Variants in BCL2 observed in about 807,000 individuals in gnomAD.
BCL2 encodes apoptosis regulator Bcl-2.
A neutral mutation model predicts 14.2 loss-of-function variants in BCL2; 1 was observed. The observed-to-expected ratio is 0.07, with a 90% CI of 0.02 to 0.33. The LOEUF (loss-of-function observed/expected upper bound fraction) is 0.33, where lower values mean the gene tolerates loss of function less well. Among genes scored for constraint, BCL2 ranks in the 10% least tolerant of loss-of-function variants. BCL2 has a pLI of 0.99. For missense variants in BCL2, 247 were observed against 305.9 expected (o/e 0.81, Z 1.44); for synonymous variants, 151 against 137.2 (o/e 1.10, Z -0.70).
intron 2 of BCL2, among the ~76,000 whole-genome samples, chr18:63,300,224 C>T (rs1158562500): frequency 6.6e-6 from 1 of 152,062 alleles, no homozygotes; most frequent in African/African-American, 2.4e-5. Context: ...CTAGAAATTA[C>T]ATCCCCGTCC....
At chr18:63,311,031 T>A (rs1336456316) in intron 2 of BCL2, among the ~76,000 whole-genome samples, 1 of 152,194 alleles carries the variant, frequency 6.6e-6, no homozygotes, top group Non-Finnish European at 1.5e-5. Context: ...ACTCGCTTTT[T>A]TTTTTTCAAG....
At chr18:63,289,153 G>A (rs1388247480) in intron 2 of BCL2, among the ~76,000 whole-genome samples, 2 of 151,842 alleles carry the variant, frequency 1.3e-5, no homozygotes, top group African/African-American at 4.8e-5. Context: ...TAACAACTTA[G>A]AAAACAGCCC....
rs749745319 is a variant in BCL2 at position 63,318,531 on chromosome 18, G to A, written c.136C>T (p.Pro46Ser). The A allele has an allele frequency of 6.3e-7, 1 of 1,582,902 alleles. No individual in the cohort carries two copies. The highest frequency in any genetic ancestry group is 8.6e-7 in the Non-Finnish European group (1 of 1,168,762). Residue 46 changes from proline (P) to serine (S), a missense_variant, in exon 2 of 3, where the codon CCG becomes TCG. By Grantham distance (74) the Pro-to-Ser change is moderately conservative. This residue lies in a region of BCL2 where 144 missense variants were observed against 135.3 expected (regional missense o/e 1.06). Coordinates refer to ENST00000333681, the MANE Select transcript of BCL2 (RefSeq NM_000633.3). This position sits in a 1 kb window ranked among gnomAD's most constrained non-coding sequence, Gnocchi z 7.4. ...GAAPPGAAPAPGIFSSQPGHT... is the reference protein window; with the variant it reads ...GAAPPGAAPASGIFSSQPGHT... ...CCGGGCTGGGAGGAGAAGATGCCCGGTGCGGGGGCGGCCCCCGGGGGCGCG... is the reference window on the plus strand; with the variant it reads ...CCGGGCTGGGAGGAGAAGATGCCCGATGCGGGGGCGGCCCCCGGGGGCGCG...
intron 2 of BCL2, among the ~76,000 whole-genome samples, chr18:63,186,674 G>A (rs765034404): frequency 6.6e-5 from 10 of 152,130 alleles, no homozygotes; most frequent in Non-Finnish European, 1.5e-4. Context: ...CACCTTTTCA[G>A]TTTTCATAGG....
intron 2 of BCL2, among the ~76,000 whole-genome samples, chr18:63,221,380 G>T (rs978185085): frequency 6.6e-6 from 1 of 152,030 alleles, no homozygotes; most frequent in African/African-American, 2.4e-5. Flanking sequence ...ACAAGGATGT[G>T]AAATTCCCAA....
At chr18:63,255,830 C>G (rs1377220824) in intron 2 of BCL2, among the ~76,000 whole-genome samples, 2 of 151,782 alleles carry the variant, frequency 1.3e-5, no homozygotes, top group Admixed American at 6.6e-5. Flanking sequence ...GCAGCCCTCC[C>G]CCCCCGCCAC....
Position 63,318,674 on chromosome 18 carries a change from A to G in BCL2, c.-8T>C, listed in dbSNP as rs760135041. 1 of 1,612,468 alleles carries G rather than the reference A, an allele frequency of 6.2e-7. No individual in the cohort carries two copies. Among genetic ancestry groups the G allele is most frequent in the South Asian group, 1.1e-5 (1 of 91,054 alleles). On this transcript the variant is annotated 5_prime_UTR_variant, in exon 2 of 3. Coordinates refer to ENST00000333681, the MANE Select transcript of BCL2 (RefSeq NM_000633.3). This position sits in a 1 kb window ranked among gnomAD's most constrained non-coding sequence, Gnocchi z 7.4. ...TCTCCCAGCGTGCGCCATCCTTCCC[A>G]GAGGAAAAGCAACGGGGGCCAACGG...
At chr18:63,140,069 C>A (rs1914315337) in intron 2 of BCL2, among the ~76,000 whole-genome samples, 1 of 152,300 alleles carries the variant, frequency 6.6e-6, no homozygotes, top group South Asian at 2.1e-4. Flanking sequence ...TATCATTAGT[C>A]ATTAGGGAAA....
At chr18:63,223,111 G>C (rs1359259528) in intron 2 of BCL2, among the ~76,000 whole-genome samples, 1 of 151,942 alleles carries the variant, frequency 6.6e-6, no homozygotes, top group Non-Finnish European at 1.5e-5. Context: ...ACTAAAATAA[G>C]AAGAACAGGG....
chr18:63,137,063 TTC>T (rs1914226397), intron 2 of BCL2, among the ~76,000 whole-genome samples: 1 of 152,232 alleles, frequency 6.6e-6, no homozygotes, highest in Non-Finnish European at 1.5e-5. Flanking sequence ...TGTAAATCTC[TTC>T]TGTGTACTGC....
At chr18:63,150,350 G>A (rs1914623933) in intron 2 of BCL2, among the ~76,000 whole-genome samples, 1 of 152,240 alleles carries the variant, frequency 6.6e-6, no homozygotes, top group South Asian at 2.1e-4. Context: ...GTGGACACCA[G>A]TGAATGCACT....
intron 2 of BCL2, among the ~76,000 whole-genome samples, chr18:63,169,248 T>TTTTCTTTCTTTC (rs145779306): frequency 0.02 from 2,148 of 108,182 alleles, 116 homozygotes; most frequent in East Asian, 0.036. Flanking sequence ...CCCTTCGTGT[T>TTTTCTTTCTTTC]TTTCTTTCTT....
At chr18:63,240,817 C>T (rs970779444) in intron 2 of BCL2, among the ~76,000 whole-genome samples, 3 of 152,192 alleles carry the variant, frequency 2.0e-5, no homozygotes, top group African/African-American at 4.8e-5. Flanking sequence ...TATTTGAGTA[C>T]ATAACTTGTC....
chr18:63,214,203 A>G (rs888683630), intron 2 of BCL2, among the ~76,000 whole-genome samples: 2 of 152,368 alleles, frequency 1.3e-5, no homozygotes, highest in African/African-American at 4.8e-5. Context: ...AGGAAGTGCC[A>G]GCAGACACCA....
At chr18:63,175,479 A>C (rs999052516) in intron 2 of BCL2, among the ~76,000 whole-genome samples, 1 of 152,266 alleles carries the variant, frequency 6.6e-6, no homozygotes, top group Non-Finnish European at 1.5e-5. Context: ...GTAAGCAGCC[A>C]GCACAGCTGG....
chr18:63,263,149 A>C (rs1304370570), intron 2 of BCL2, among the ~76,000 whole-genome samples: 1 of 152,170 alleles, frequency 6.6e-6, no homozygotes, highest in Non-Finnish European at 1.5e-5. Context: ...GAGCTGACCT[A>C]TCCCCAGACA....
rs41301945 is a variant in BCL2 at position 63,128,085 on chromosome 18, C to T, written c.*540G>A. The T allele has an allele frequency of 2.2e-5, 5 of 226,352 alleles. No homozygotes were observed. The highest frequency in any genetic ancestry group is 1.9e-4 in the East Asian group (3 of 15,912). The allele number at this position is 226,352 out of a possible 1,614,324, so 14.0% of individuals were successfully genotyped here. On this transcript the variant is annotated 3_prime_UTR_variant, in exon 3 of 3. Transcript: ENST00000333681. The stretch of plus-strand genomic sequence containing the variant: ...GGCCAGGGAGGCATGGACTTCCCCC[C>T]ACAGGAACCCTCCCTCTGTTAATAT...
At chr18:63,290,100 A>C (rs967886747) in intron 2 of BCL2, among the ~76,000 whole-genome samples, 8 of 152,110 alleles carry the variant, frequency 5.3e-5, no homozygotes, top group Non-Finnish European at 1.0e-4. Context: ...AATGCACCCT[A>C]GGTTTTGAGC....
chr18:63,137,216 A>G (rs560020821), intron 2 of BCL2, among the ~76,000 whole-genome samples: 1 of 152,352 alleles, frequency 6.6e-6, no homozygotes, highest in East Asian at 1.9e-4. Flanking sequence ...ATTCAGCTCA[A>G]TCATTTTCTG....
Sources: gnomAD v4.1 joint callset for allele counts (sites outside exome capture counted in the v4.1 genomes callset) on GRCh38, gnomAD v4.1.1 for gene constraint, gnomAD v4.1.1 regional missense constraint, Gnocchi (gnomAD v3.1) non-coding constraint, MANE v1.5 for transcripts, NCBI Gene and HGNC (gene_info 2026-07-23, HGNC 2026-07-21) for gene names.